The following ZNF264 variants were observed in gnomAD, a reference collection of about 807,000 sequenced individuals.
The protein encoded by ZNF264 is zinc finger protein 264.
ZNF264 carries 11 observed loss-of-function variants against 11.2 expected under a neutral mutation model. That is an observed-to-expected ratio of 0.98 (90% confidence interval 0.62 to 1.63). ZNF264 has a LOEUF of 1.63. Among genes scored for constraint, ZNF264 ranks in the 40% most tolerant of loss-of-function variants. The pLI, the probability that ZNF264 is intolerant of heterozygous loss-of-function variation, is 0.00. For synonymous variants in ZNF264, 309 were observed against 279.8 expected, an observed-to-expected ratio of 1.10 and a Z score of -1.04; for missense variants, 752 against 768.1, an observed-to-expected ratio of 0.98 and a Z score of 0.25.
rs1339274688 is a variant in ZNF264, at chr19:57,211,729, T to C, written c.632T>C (p.Val211Ala). 1.9e-6 allele frequency: 3 copies of C among 1,614,022 alleles called. No homozygotes were observed. The highest frequency in any genetic ancestry group is 1.7e-5 in the Admixed American group (1 of 60,000). Residue 211 changes from valine (V) to alanine (A), a missense_variant, in exon 4 of 4, where the codon GTA (valine) becomes GCA (alanine). Val to Ala is a moderately conservative substitution (Grantham distance 64). Coordinates refer to ENST00000263095, the MANE Select transcript of ZNF264 (RefSeq NM_003417.5). ...NNFKCSECGK[V>A]FNKKHLLAGH... ...TTTAAATGCAGTGAATGTGGAAAAG[T>C]ATTTAACAAGAAACACCTCCTTGCT...
rs539762505 is a variant in ZNF264, at chr19:57,212,914, A to G, written c.1817A>G (p.Glu606Gly). The change falls in exon 4 of 4, where the codon GAG becomes GGG. Residue 606 changes from glutamate (E) to glycine (G), a missense_variant. Physicochemically the swap from Glu to Gly is moderately conservative, Grantham distance 98 (BLOSUM62 -2). Coordinates refer to ENST00000263095, the MANE Select transcript of ZNF264 (RefSeq NM_003417.5). ...NVTTEANILPEETSSSASDQP... is the reference protein window; with the variant it reads ...NVTTEANILPGETSSSASDQP... ...ACCACTGAGGCAAATATTTTGCCAG[A>G]GGAAACATCTTCCTCTGCATCTGAT... is the stretch of plus-strand genomic sequence containing the variant. The G allele has an allele frequency of 6.2e-7, 1 of 1,614,202 alleles. No individual in the cohort carries two copies. Among genetic ancestry groups the G allele is most frequent in the Admixed American group, 1.7e-5 (1 of 60,028 alleles).
intron 2 of ZNF264, among the ~76,000 whole-genome samples, chr19:57,195,848 C>T (rs1249162133): frequency 6.6e-6 from 1 of 151,746 alleles, no homozygotes; most frequent in African/African-American, 2.4e-5. Context: ...TGGCAGCATT[C>T]CTCCCTCTGA....
Position 57,211,855 on chromosome 19 carries a change from A to G in ZNF264, c.758A>G (p.His253Arg). The G allele has an allele frequency of 6.2e-7, 1 of 1,614,228 alleles. No individual in the cohort carries two copies. The highest frequency in any genetic ancestry group is 8.5e-7 in the Non-Finnish European group (1 of 1,180,030). ...STHLLQHHMI[H>R]TGERPYECME... ...CATCTCCTGCAACATCACATGATCC[A>G]CACTGGGGAGAGGCCCTATGAGTGC... is the stretch of plus-strand genomic sequence containing the variant. The change falls in exon 4 of 4, where the codon CAC (histidine) becomes CGC (arginine). Residue 253 changes from histidine to arginine, a missense_variant. By Grantham distance (29) the His-to-Arg change is conservative. Transcript: ENST00000263095.
At chr19:57,203,012 G>T (rs1444133948) in intron 2 of ZNF264, among the ~76,000 whole-genome samples, 2 of 152,074 alleles carry the variant, frequency 1.3e-5, no homozygotes, top group Admixed American at 1.3e-4. Context: ...TTGGAGTTTG[G>T]GGAAAACCCC....
At position 57,191,821 on chromosome 19, in the gene ZNF264, C is replaced by A; in HGVS notation, c.-93C>A. The stretch of plus-strand genomic sequence containing the variant: ...CGGCGGCCCCGAGCGCGCCTGGAAG[C>A]CCCGGGCAACCGGCCAGGGTCGGGC... On this transcript the variant is annotated 5_prime_UTR_variant, in exon 1 of 4. Coordinates refer to ENST00000263095, the MANE Select transcript of ZNF264 (RefSeq NM_003417.5). 9.3e-7 allele frequency: 1 copy of A among 1,070,096 alleles called. No homozygotes were observed. The highest frequency in any genetic ancestry group is 1.2e-6 in the Non-Finnish European group (1 of 834,734). 66.3% of individuals were successfully genotyped at this position (1,070,096 alleles called of 1,614,324 possible).
intron 3 of ZNF264, among the ~76,000 whole-genome samples, chr19:57,206,809 C>G (rs1322595409): frequency 6.8e-6 from 1 of 147,966 alleles, no homozygotes; most frequent in East Asian, 2.0e-4. Context: ...CACTAAGAAG[C>G]AGTAGTTTGC....
chr19:57,191,520 C>T lies in ZNF264; in HGVS notation c.-394C>T, dbSNP rs979899575. On this transcript the variant is annotated 5_prime_UTR_variant, in exon 1 of 4. Coordinates refer to ENST00000263095, the MANE Select transcript of ZNF264 (RefSeq NM_003417.5). ...ACGCCATTTTCTTCTGCACTTCTGT[C>T]TGGAGAGGTCTGTAGCCACTGAGGG... The T allele has an allele frequency of 1.9e-5, 4 of 209,126 alleles. No homozygotes were observed. Among genetic ancestry groups the T allele is most frequent in the Admixed American group, 1.2e-4 (2 of 16,794 alleles). The allele number at this position is 209,126 out of a possible 1,614,324, so 13.0% of individuals were successfully genotyped here.
At chr19:57,201,959 C>A (rs1381078010) in intron 2 of ZNF264, among the ~76,000 whole-genome samples, 1 of 151,762 alleles carries the variant, frequency 6.6e-6, no homozygotes, top group Non-Finnish European at 1.5e-5. Context: ...TGCCTGTAGT[C>A]CCAGCAGTAT....
In ZNF264 at chr19:57,200,102, T is replaced by A. The variant is rs1049362660; in HGVS notation, c.161-5295T>A. ...ATCTGCTAAGATTGCCCTGAGTGAG[T>A]CTTATCTCCTGTAGAGAAAAAGCTG... On this transcript the variant is annotated intron_variant, in intron 2 of 3. Coordinates refer to ENST00000263095, the MANE Select transcript of ZNF264 (RefSeq NM_003417.5). Among the ~76,000 whole-genome samples, 25 of 151,478 alleles carry A rather than the reference T, an allele frequency of 1.7e-4. 1 individual carries two copies. Among genetic ancestry groups the A allele is most frequent in the African/African-American group, 5.6e-4 (23 of 40,960 alleles).
intron 1 of ZNF264, 48 bp downstream of exon 1, chr19:57,191,994 G>A (rs1184476134): frequency 1.3e-6 from 2 of 1,487,404 alleles, no homozygotes; most frequent in African/African-American, 1.4e-5. Context: ...CCAGCGCTGA[G>A]GCGGTTTCCG....
intron 2 of ZNF264, among the ~76,000 whole-genome samples, chr19:57,200,837 C>G (rs922095870): frequency 1.3e-5 from 2 of 151,876 alleles, no homozygotes; most frequent in African/African-American, 4.9e-5. Context: ...GCCTCGAACT[C>G]CTGAGCTGAA....
At position 57,211,975 on chromosome 19, in the gene ZNF264, G is replaced by A. The variant is rs772907149; in HGVS notation, c.878G>A (p.Gly293Glu). 3.1e-6 allele frequency: 5 copies of A among 1,614,138 alleles called. No homozygotes were observed. The highest frequency in any genetic ancestry group is 4.2e-6 in the Non-Finnish European group (5 of 1,180,030). The change falls in exon 4 of 4, where the codon GGA (glycine) becomes GAA (glutamate). Residue 293 changes from glycine to glutamate, a missense_variant. Gly to Glu is a moderately conservative substitution (Grantham distance 98, BLOSUM62 -2). Transcript: ENST00000263095. Reference sequence around the variant, plus strand: ...AAGCCTTACAAGTGCAATGAATGCGGAAAGGCCTTCACCCACCGCTCCAAT... The same window carrying A: ...AAGCCTTACAAGTGCAATGAATGCGAAAAGGCCTTCACCCACCGCTCCAAT... ...GEKPYKCNEC[G>E]KAFTHRSNFV...
At chr19:57,210,475 T>C (rs1485587013) in intron 3 of ZNF264, among the ~76,000 whole-genome samples, 2 of 152,208 alleles carry the variant, frequency 1.3e-5, no homozygotes, top group Non-Finnish European at 2.9e-5. Flanking sequence ...TGACACAGAA[T>C]GTTGGGTTGG....
In ZNF264 at chr19:57,212,853, C is replaced by T. The variant is rs534275501; in HGVS notation, c.1756C>T (p.Arg586Ter). ...FTSGQTSVTL[R>*]ELLLGKDFLN... ...AAGTGGACAAACCTCAGTTACCCTTCGAGAACTTCTTTTAGGGAAGGACTT... is the reference window on the plus strand; with the variant it reads ...AAGTGGACAAACCTCAGTTACCCTTTGAGAACTTCTTTTAGGGAAGGACTT... The change falls in exon 4 of 4, where the codon CGA becomes TGA. Residue 586 changes from arginine to a stop codon, truncating the protein, a stop_gained. Coordinates refer to ENST00000263095, the MANE Select transcript of ZNF264 (RefSeq NM_003417.5). LOFTEE classifies it low-confidence loss of function (END_TRUNC). The T allele has an allele frequency of 4.5e-5, 72 of 1,614,186 alleles. No homozygotes were observed. Among genetic ancestry groups the T allele is most frequent in the Admixed American group, 1.5e-4 (9 of 60,022 alleles).
chr19:57,193,796 C>CCTT (rs2087192645), intron 1 of ZNF264, 79 bp from the exon 2 acceptor site: 1 of 1,576,532 alleles, frequency 6.3e-7, no homozygotes, highest in Non-Finnish European at 8.6e-7. Flanking sequence ...TCACTGTACA[C>CCTT]CTTTTCCAGT....
At position 57,211,937 on chromosome 19, in the gene ZNF264, T is replaced by C. The variant is rs138009552; in HGVS notation, c.840T>C (p.Ile280=). ...CATACCTTACCCAGCACCAGCGGATTCACAGTGGAGAGAAGCCTTACAAGT... is the reference window on the plus strand; with the variant it reads ...CATACCTTACCCAGCACCAGCGGATCCACAGTGGAGAGAAGCCTTACAAGT... The part of the protein sequence containing the change: ...RKSYLTQHQR[I]HSGEKPYKCN... Residue 280 remains isoleucine, a synonymous_variant, in exon 4 of 4, where the codon ATT becomes ATC. Transcript: ENST00000263095. 3.1e-6 allele frequency: 5 copies of C among 1,613,588 alleles called. No individual in the cohort carries two copies. In the African/African-American group the frequency reaches 6.7e-5, roughly 22 times the overall value.
chr19:57,193,411 G>T, intron 1 of ZNF264: 1 of 700,424 alleles, frequency 1.4e-6, no homozygotes, highest in Non-Finnish European at 1.8e-6. Context: ...ATGAAATGCT[G>T]TCTTTGAGGT....
Position 57,221,901 on chromosome 19 carries a change from G to C in ZNF264, c.*8920G>C, listed in dbSNP as rs1355671137. The stretch of plus-strand genomic sequence containing the variant: ...CCACACTCCAGCAAGGGTGAACCTT[G>C]CAAACTCAAAAGGATAGCAGTCTCC... On this transcript the variant is annotated 3_prime_UTR_variant, in exon 4 of 4. Coordinates refer to ENST00000263095, the MANE Select transcript of ZNF264 (RefSeq NM_003417.5). 1 of 152,148 alleles carries C rather than the reference G, an allele frequency of 6.6e-6. No individual in the cohort carries two copies. The highest frequency in any genetic ancestry group is 1.5e-5 in the Non-Finnish European group (1 of 68,022). The allele number at this position is 152,148 out of a possible 1,614,324, so 9.4% of individuals were successfully genotyped here.
At chr19:57,194,846 G>A (rs746908550) in intron 2 of ZNF264, 6 of 400,000 alleles carry the variant, frequency 1.5e-5, no homozygotes, top group Non-Finnish European at 2.2e-5. Context: ...AAAAATCCCA[G>A]AGCACACTGA....
Sources: gnomAD v4.1 joint callset for allele counts (sites outside exome capture counted in the v4.1 genomes callset) on GRCh38, gnomAD v4.1.1 for gene constraint, MANE v1.5 for transcripts, NCBI Gene and HGNC (gene_info 2026-07-23, HGNC 2026-07-21) for gene names.